The following CDCA8 variants were observed in gnomAD, a reference collection of about 807,000 sequenced individuals.
CDCA8 encodes borealin.
Under a neutral mutation model 40.0 loss-of-function variants are expected in CDCA8, and 25 were observed. That is an observed-to-expected ratio of 0.63 (90% CI 0.46 to 0.87). The LOEUF is 0.87. Among genes scored for constraint, CDCA8 ranks in the 40% least tolerant of loss-of-function variants. The pLI is 0.00. For synonymous variants in CDCA8, 111 were observed against 126.5 expected (o/e 0.88, Z 0.82); for missense variants, 280 against 348.4 (o/e 0.80, Z 1.56).
chr1:37,692,554 C>T lies in CDCA8; in HGVS notation c.-137C>T, dbSNP rs924950320. 3 of 701,008 alleles carry T rather than the reference C, an allele frequency of 4.3e-6. No homozygotes were observed. The highest frequency in any genetic ancestry group is 3.6e-5 in the African/African-American group (2 of 56,336). 43.4% of individuals were successfully genotyped at this position (701,008 alleles called of 1,614,324 possible). On this transcript the variant is annotated 5_prime_UTR_variant, in exon 1 of 10. Coordinates refer to ENST00000373055, the MANE Select transcript of CDCA8 (RefSeq NM_001256875.2). ...CTCTCACTGGCACAGCGAGGTTTTGCTCAGCCCTTGTCTCGGGACCGCAGG... is the reference window on the plus strand; with the variant it reads ...CTCTCACTGGCACAGCGAGGTTTTGTTCAGCCCTTGTCTCGGGACCGCAGG...
intron 2 of CDCA8, among the ~76,000 whole-genome samples, chr1:37,695,646 T>G (rs990971401): frequency 1.3e-5 from 2 of 152,086 alleles, no homozygotes; most frequent in African/African-American, 4.8e-5. Flanking sequence ...GGGGTGATGT[T>G]TGAGCTGAGT....
At chr1:37,703,468 C>A in intron 7 of CDCA8, 121 bp downstream of exon 7, 1 of 759,710 alleles carries the variant, frequency 1.3e-6, no homozygotes, top group Non-Finnish European at 2.3e-6. Flanking sequence ...GTAATACCAG[C>A]ACTTTGAGAG....
At position 37,705,576 on chromosome 1, in the gene CDCA8, T is replaced by G; in HGVS notation, c.711+9T>G. On this transcript the variant is annotated intron_variant, in intron 8 of 9. Coordinates refer to ENST00000373055, the MANE Select transcript of CDCA8 (RefSeq NM_001256875.2). ...CAGTGGGCGGCGGAGAGGTGAAGTATTTCCAAGGGAAGCCAGGCCACAGTG... is the reference window on the plus strand; with the variant it reads ...CAGTGGGCGGCGGAGAGGTGAAGTAGTTCCAAGGGAAGCCAGGCCACAGTG... 1 of 1,611,674 alleles carries G rather than the reference T, an allele frequency of 6.2e-7. No individual in the cohort carries two copies. Among genetic ancestry groups the G allele is most frequent in the Non-Finnish European group, 8.5e-7 (1 of 1,179,036 alleles).
chr1:37,695,896 C>T lies in CDCA8; in HGVS notation c.224-14C>T, dbSNP rs1028430507. On this transcript the variant is annotated splice_polypyrimidine_tract_variant and intron_variant, in intron 2 of 9. Coordinates refer to ENST00000373055, the MANE Select transcript of CDCA8 (RefSeq NM_001256875.2). Reference sequence around the variant, plus strand: ...TGTTAAAATGTAATAGTAACTACAACGTTCTTTTTAAAGCCCTTGGAGGAA... The same window carrying T: ...TGTTAAAATGTAATAGTAACTACAATGTTCTTTTTAAAGCCCTTGGAGGAA... 33 of 1,610,676 alleles carry T rather than the reference C, an allele frequency of 2.0e-5. No individual in the cohort carries two copies. The highest frequency in any genetic ancestry group is 2.5e-5 in the Non-Finnish European group (30 of 1,177,076).
chr1:37,697,544 AG>A (rs1645536038), intron 3 of CDCA8, among the ~76,000 whole-genome samples: 1 of 152,236 alleles, frequency 6.6e-6, no homozygotes. Context: ...GTTCAGCATG[AG>A]CCATATTGTT....
rs775110691 is a variant in CDCA8, at chr1:37,692,651, G to A, written c.-40G>A. The A allele has an allele frequency of 1.3e-6, 2 of 1,536,562 alleles. No homozygotes were observed. Among genetic ancestry groups the A allele is most frequent in the Non-Finnish European group, 1.8e-6 (2 of 1,116,012 alleles). ...TCCCTACCCAGTTTCTTGCTTCCCTGCCCCATCTCCGCCGCTCCCCGCAGC... is the reference window on the plus strand; with the variant it reads ...TCCCTACCCAGTTTCTTGCTTCCCTACCCCATCTCCGCCGCTCCCCGCAGC... On this transcript the variant is annotated 5_prime_UTR_variant, in exon 1 of 10. Transcript: ENST00000373055.
intron 9 of CDCA8, among the ~76,000 whole-genome samples, chr1:37,707,273 T>C (rs1645608402): frequency 1.3e-5 from 2 of 152,228 alleles, no homozygotes; most frequent in Non-Finnish European, 2.9e-5. Flanking sequence ...AATCCCAGGG[T>C]GCCTGCCACA....
Position 37,709,504 on chromosome 1 carries a change from C to T in CDCA8, c.*1138C>T, listed in dbSNP as rs981265330. 2 of 152,162 alleles carry T rather than the reference C, an allele frequency of 1.3e-5. No individual in the cohort carries two copies. Among genetic ancestry groups the T allele is most frequent in the African/African-American group, 2.4e-5 (1 of 41,432 alleles). 9.4% of individuals were successfully genotyped at this position (152,162 alleles called of 1,614,324 possible). A position where few individuals can be genotyped will look rare whatever the true frequency, so the allele number is the denominator to read the frequency against. On this transcript the variant is annotated 3_prime_UTR_variant, in exon 10 of 10. Transcript: ENST00000373055. ...CAGGCTTGAAGGCACATGGCTTTCT[C>T]ATGTAGGGCTCTCTGTGGTATTTGT... is the stretch of plus-strand genomic sequence containing the variant.
chr1:37,705,577 T>G lies in CDCA8; in HGVS notation c.711+10T>G. On this transcript the variant is annotated intron_variant, in intron 8 of 9. Transcript: ENST00000373055. Reference sequence around the variant, plus strand: ...AGTGGGCGGCGGAGAGGTGAAGTATTTCCAAGGGAAGCCAGGCCACAGTGT... The same window carrying G: ...AGTGGGCGGCGGAGAGGTGAAGTATGTCCAAGGGAAGCCAGGCCACAGTGT... 1 of 1,612,198 alleles carries G rather than the reference T, an allele frequency of 6.2e-7. No individual in the cohort carries two copies. Among genetic ancestry groups the G allele is most frequent in the South Asian group, 1.1e-5 (1 of 90,996 alleles).
rs752463261 is a variant in CDCA8, at chr1:37,695,981, G to T, written c.264+31G>T. 3.1e-6 allele frequency: 5 copies of T among 1,607,196 alleles called. No individual in the cohort carries two copies. The South Asian group carries it at 4.4e-5, about 14-fold the overall frequency. ...TGACCTTTCCTATTTTCCAGCCAGT[G>T]GTTACTTAAGTCTAGTCCAGTCCCC... On this transcript the variant is annotated intron_variant, in intron 3 of 9. Coordinates refer to ENST00000373055, the MANE Select transcript of CDCA8 (RefSeq NM_001256875.2).
chr1:37,704,463 G>A (rs116751807), intron 7 of CDCA8, among the ~76,000 whole-genome samples: 3,034 of 152,226 alleles, frequency 0.02, 46 homozygotes, highest in Non-Finnish European at 0.03. Context: ...GAGCATCTCC[G>A]AGCAGGTTGC....
intron 9 of CDCA8, 53 bp from the exon 10 acceptor site, chr1:37,708,269 G>C: frequency 6.4e-7 from 1 of 1,570,292 alleles, no homozygotes; most frequent in Non-Finnish European, 8.8e-7. Flanking sequence ...AGGCCAAGGG[G>C]CAAGCCTGCC....
At chr1:37,704,979 C>T (rs965124557) in intron 7 of CDCA8, among the ~76,000 whole-genome samples, 3 of 152,298 alleles carry the variant, frequency 2.0e-5, no homozygotes, top group Admixed American at 1.3e-4. Flanking sequence ...TTTGTTTTCT[C>T]ACATGAATAT....
chr1:37,706,977 G>A lies in CDCA8; in HGVS notation c.712-1G>A. On this transcript the variant is annotated splice_acceptor_variant, in intron 8 of 9. Coordinates refer to ENST00000373055, the MANE Select transcript of CDCA8 (RefSeq NM_001256875.2). LOFTEE classifies it high-confidence loss of function. ...TTTAACCCACTCCCCTTTCTATTCA[G>A]AGCCTGCGATTATTGGCCAGTGACT... The A allele has an allele frequency of 6.2e-7, 1 of 1,613,962 alleles. No individual in the cohort carries two copies. The highest frequency in any genetic ancestry group is 1.3e-5 in the African/African-American group (1 of 75,058).
chr1:37,706,440 C>T (rs986225372), intron 8 of CDCA8, among the ~76,000 whole-genome samples: 1 of 152,168 alleles, frequency 6.6e-6, no homozygotes, highest in Non-Finnish European at 1.5e-5. Context: ...TTTGCCCATC[C>T]GATTGTAGTA....
chr1:37,698,879 G>T (rs771957213), intron 3 of CDCA8, 26 bp from the exon 4 acceptor site: 67 of 1,556,796 alleles, frequency 4.3e-5, no homozygotes, highest in Non-Finnish European at 5.8e-5. Context: ...AATAAGCCTG[G>T]TGCTTTCTGG....
intron 2 of CDCA8, among the ~76,000 whole-genome samples, chr1:37,695,679 T>C (rs1223762997): frequency 6.6e-6 from 1 of 152,188 alleles, no homozygotes; most frequent in Non-Finnish European, 1.5e-5. Flanking sequence ...GTTAGAAATT[T>C]GTTAAGTACG....
chr1:37,705,003 T>C (rs1645589238), intron 7 of CDCA8, among the ~76,000 whole-genome samples: 1 of 152,204 alleles, frequency 6.6e-6, no homozygotes, highest in Admixed American at 6.5e-5. Flanking sequence ...ACAAAAGGCA[T>C]TTAGGGAAAA....
At position 37,701,804 on chromosome 1, in the gene CDCA8, A is replaced by G. The variant is rs1395331649; in HGVS notation, c.474A>G (p.Lys158=). ...AGAGAACTCAGTCCATACAAGGAAA[A>G]GGAAAAGGGAAAAGGTAGTGGATTT... ...SKKRTQSIQG[K]GKGKRSSRAN... The change falls in exon 6 of 10, where the codon AAA becomes AAG. Residue 158 remains lysine (K), a synonymous_variant. Coordinates refer to ENST00000373055, the MANE Select transcript of CDCA8 (RefSeq NM_001256875.2). The G allele has an allele frequency of 6.2e-7, 1 of 1,612,856 alleles. No homozygotes were observed. The highest frequency in any genetic ancestry group is 1.1e-5 in the South Asian group (1 of 91,030).
Sources: allele counts gnomAD v4.1 joint callset (sites outside exome capture counted in the v4.1 genomes callset), GRCh38; gene constraint gnomAD v4.1.1; transcripts MANE v1.5; gene names NCBI Gene and HGNC (gene_info 2026-07-23, HGNC 2026-07-21).